Variants in HSD17B13 observed in about 807,000 individuals in gnomAD.
HSD17B13 encodes the protein 17-beta-hydroxysteroid dehydrogenase 13.
HSD17B13 carries 26 observed loss-of-function variants against 31.1 expected under a neutral mutation model. The observed-to-expected ratio is 0.84, with a 90% CI of 0.61 to 1.16. HSD17B13 has a LOEUF of 1.16. HSD17B13 is among the 50% of genes most tolerant of loss of function. The pLI, the probability that HSD17B13 is intolerant of heterozygous loss-of-function variation, is 0.00. For missense variants in HSD17B13, 374 were observed against 366.5 expected, an observed-to-expected ratio of 1.02 and a Z score of -0.17; for synonymous variants, 141 against 133.7, an observed-to-expected ratio of 1.05 and a Z score of -0.38.
chr4:87,314,147 C>T (rs144084527), intron 4 of HSD17B13, among the ~76,000 whole-genome samples, 187 bp from the exon 5 acceptor site: 6 of 151,282 alleles, frequency 4.0e-5, no homozygotes, highest in Non-Finnish European at 8.8e-5. Context: ...GAATTGTGAA[C>T]GTATCTCATT....
At chr4:87,308,167 T>G (rs1463665468) in intron 6 of HSD17B13, among the ~76,000 whole-genome samples, 1 of 152,206 alleles carries the variant, frequency 6.6e-6, no homozygotes, top group African/African-American at 2.4e-5. Context: ...AGGGGCTTTG[T>G]TTGTATTACA....
intron 5 of HSD17B13, among the ~76,000 whole-genome samples, chr4:87,311,512 G>A (rs1235083050): frequency 2.6e-5 from 4 of 152,166 alleles, no homozygotes; most frequent in Non-Finnish European, 5.9e-5. Flanking sequence ...GGCCCAAGGA[G>A]TATGACAACT....
At chr4:87,313,991 A>G (rs1244969025) in intron 4 of HSD17B13, 31 bp from the exon 5 acceptor site, 3 of 1,472,068 alleles carry the variant, frequency 2.0e-6, no homozygotes, top group Non-Finnish European at 2.7e-6. Flanking sequence ...ATTGTTAGCT[A>G]AGGGAGAGTG....
At position 87,308,951 on chromosome 4, in the gene HSD17B13, C is replaced by T. The variant is rs181509096; in HGVS notation, c.812+1292G>A. On this transcript the variant is annotated intron_variant, in intron 6 of 6. Coordinates refer to ENST00000328546, the MANE Select transcript of HSD17B13 (RefSeq NM_178135.5). ...ATCTACCAAAAAAAAAAAAGCTTAT[C>T]GAGTTTAGCAAAAAGAGGTTTAGCA... Among the ~76,000 whole-genome samples the T allele has an allele frequency of 1.2e-3, 156 of 127,084 alleles. 1 individual carries two copies. The highest frequency in any genetic ancestry group is 5.0e-3 in the Middle Eastern group (1 of 202). 83.4% of individuals were successfully genotyped at this position (127,084 alleles called of 152,430 possible).
chr4:87,322,621 G>A lies in HSD17B13; in HGVS notation c.210+11C>T, dbSNP rs1241623922. The A allele has an allele frequency of 1.7e-5, 27 of 1,564,420 alleles. No individual in the cohort carries two copies. The Admixed American group carries it at 4.5e-4, about 26-fold the overall frequency. ...CTGTGACTTTAAAAAGTTGGAAGAT[G>A]TATACATTACCTTATTAATATCCCA... On this transcript the variant is annotated intron_variant, in intron 1 of 6. Coordinates refer to ENST00000328546, the MANE Select transcript of HSD17B13 (RefSeq NM_178135.5).
chr4:87,318,500 T>G, intron 1 of HSD17B13, 64 bp from the exon 2 acceptor site: 2 of 1,382,940 alleles, frequency 1.4e-6, no homozygotes, highest in Non-Finnish European at 2.1e-6. Context: ...AAGAAAAATT[T>G]TTAGACAATT....
Position 87,315,660 on chromosome 4 carries a change from G to C in HSD17B13, c.451-61C>G, listed in dbSNP as rs911517259. 7 of 1,042,622 alleles carry C rather than the reference G, an allele frequency of 6.7e-6. No individual in the cohort carries two copies. In the African/African-American group the frequency reaches 1.1e-4, roughly 17 times the overall value. The allele number at this position is 1,042,622 out of a possible 1,614,324, so 64.6% of individuals were successfully genotyped here. A position where few individuals can be genotyped will look rare whatever the true frequency, so the allele number is the denominator to read the frequency against. On this transcript the variant is annotated intron_variant, in intron 3 of 6. Transcript: ENST00000328546. ...CATAGACGTTAGGTTTCCAAATCAG[G>C]TAGTTTTATTTTTGTTAAGACAGAA...
intron 5 of HSD17B13, among the ~76,000 whole-genome samples, chr4:87,312,146 C>T (rs1179325654): frequency 2.0e-5 from 3 of 152,130 alleles, no homozygotes; most frequent in Non-Finnish European, 4.4e-5. Flanking sequence ...TCATGGTACA[C>T]GAAGCCTGAA....
chr4:87,308,530 A>T (rs1434847527), intron 6 of HSD17B13, among the ~76,000 whole-genome samples: 1 of 110,812 alleles, frequency 9.0e-6, no homozygotes, highest in African/African-American at 3.7e-5. Flanking sequence ...AAAAAAAAAA[A>T]ATAAGCTGGG....
chr4:87,310,495 T>A (rs1734507904), intron 5 of HSD17B13, 136 bp from the exon 6 acceptor site: 8 of 1,047,100 alleles, frequency 7.6e-6, no homozygotes, highest in Non-Finnish European at 8.6e-6. Flanking sequence ...ATTTGCTGCA[T>A]TAATGCCACC....
rs778776813 is a variant in HSD17B13 at position 87,317,196 on chromosome 4, T to C, written c.346A>G (p.Ile116Val). 15 of 1,614,082 alleles carry C rather than the reference T, an allele frequency of 9.3e-6. No individual in the cohort carries two copies. Among genetic ancestry groups the C allele is most frequent in the Non-Finnish European group, 1.3e-5 (15 of 1,179,940 alleles). Reference sequence around the variant, plus strand: ...ACTGTCCCAGCATTATTCACCACGATTGTTACATCACCCACTTCTTTCTTC... The same window carrying C: ...ACTGTCCCAGCATTATTCACCACGACTGTTACATCACCCACTTCTTTCTTC... ...QVKKEVGDVT[I>V]VVNNAGTVYP... The change falls in exon 3 of 7, where the codon ATC (isoleucine) becomes GTC (valine). Residue 116 changes from isoleucine to valine, a missense_variant. By Grantham distance (29) the Ile-to-Val change is conservative. Coordinates refer to ENST00000328546, the MANE Select transcript of HSD17B13 (RefSeq NM_178135.5).
At position 87,315,580 on chromosome 4, in the gene HSD17B13, G is replaced by T. The variant is rs771400897; in HGVS notation, c.470C>A (p.Pro157Gln). The change falls in exon 4 of 7, where the codon CCA (proline) becomes CAA (glutamine). Residue 157 changes from proline (P) to glutamine (Q), a missense_variant. Physicochemically the swap from Pro to Gln is moderately conservative, Grantham distance 76. Coordinates refer to ENST00000328546, the MANE Select transcript of HSD17B13 (RefSeq NM_178135.5). ...GHFWITKALL[P>Q]SMMERNHGHI... ...GCCATGATTTCTCTCCATCATCGAT[G>T]GAAGAAGTGCTTTTGTGATCTTAAG... The T allele has an allele frequency of 3.1e-6, 5 of 1,606,836 alleles. No homozygotes were observed. In the Admixed American group the frequency reaches 8.4e-5, roughly 27 times the overall value.
intron 1 of HSD17B13, among the ~76,000 whole-genome samples, chr4:87,319,355 G>C (rs917960528): frequency 2.0e-5 from 3 of 152,166 alleles, no homozygotes; most frequent in African/African-American, 7.2e-5. Context: ...CTCTTGGTTG[G>C]AGGCTGTACA....
intron 2 of HSD17B13, 113 bp downstream of exon 2, chr4:87,318,216 T>C: frequency 1.3e-6 from 1 of 758,136 alleles, no homozygotes; most frequent in Non-Finnish European, 2.3e-6. Context: ...CTACTTCAGT[T>C]AGCAGCTAAA....
intron 1 of HSD17B13, 83 bp from the exon 2 acceptor site, chr4:87,318,519 G>C: frequency 4.4e-6 from 5 of 1,140,994 alleles, no homozygotes; most frequent in Non-Finnish European, 6.6e-6. Context: ...TTAACATTCG[G>C]CTAGGCGCGG....
rs375353605 is a variant in HSD17B13, at chr4:87,318,348, A to C, written c.299T>G (p.Ile100Ser). The part of the protein sequence containing the change: ...YVVDCSNREE[I>S]YRSLNQVKKE... Reference sequence around the variant, plus strand: ...TCTCACCTGATTTAGAGAGCGATAGATCTCTTCTCTGTTGCTGCAGTCTAC... The same window carrying C: ...TCTCACCTGATTTAGAGAGCGATAGCTCTCTTCTCTGTTGCTGCAGTCTAC... Residue 100 changes from isoleucine to serine, a missense_variant, in exon 2 of 7, where the codon ATC becomes AGC. Ile to Ser is a moderately radical substitution (Grantham distance 142). Transcript: ENST00000328546. The C allele has an allele frequency of 3.1e-6, 5 of 1,613,544 alleles. No individual in the cohort carries two copies. Among genetic ancestry groups the C allele is most frequent in the Admixed American group, 1.7e-5 (1 of 60,018 alleles).
At position 87,317,253 on chromosome 4, in the gene HSD17B13, G is replaced by T. The variant is rs760664521; in HGVS notation, c.319-30C>A. The T allele has an allele frequency of 6.8e-6, 11 of 1,609,148 alleles. No individual in the cohort carries two copies. The Admixed American group carries it at 1.7e-4, about 24-fold the overall frequency. On this transcript the variant is annotated intron_variant, in intron 2 of 6. Transcript: ENST00000328546. ...TGAAATTGAAAGAACACTTTCACTGGGTGTATTATTCAAACTCAAAGTTTT... is the reference window on the plus strand; with the variant it reads ...TGAAATTGAAAGAACACTTTCACTGTGTGTATTATTCAAACTCAAAGTTTT...
At chr4:87,314,641 T>TCTCTCA (rs373166006) in intron 4 of HSD17B13, among the ~76,000 whole-genome samples, 7 of 142,140 alleles carry the variant, frequency 4.9e-5, no homozygotes, top group East Asian at 2.2e-4. Flanking sequence ...TCTCTCTCTC[T>TCTCTCA]CACACACACA....
intron 6 of HSD17B13, among the ~76,000 whole-genome samples, chr4:87,308,819 A>G (rs893394773): frequency 3.3e-5 from 5 of 151,742 alleles, no homozygotes; most frequent in African/African-American, 1.2e-4. Flanking sequence ...TCCTTGAAAG[A>G]CACACATTAC....
Sources: allele counts gnomAD v4.1 joint callset (sites outside exome capture counted in the v4.1 genomes callset), GRCh38; gene constraint gnomAD v4.1.1; transcripts MANE v1.5; gene names NCBI Gene and HGNC (gene_info 2026-07-23, HGNC 2026-07-21).